LYPLA1: variants seen among roughly 807,000 people sequenced by gnomAD.
LYPLA1 encodes the protein acyl-protein thioesterase 1.
In LYPLA1, 17 loss-of-function variants were observed where a neutral mutation model predicts 34.0. The ratio of observed to expected loss-of-function variants is 0.50; its 90% confidence interval spans 0.34 to 0.75. The LOEUF (loss-of-function observed/expected upper bound fraction) is 0.75. Among genes scored for constraint, LYPLA1 ranks in the 30% least tolerant of loss-of-function variants. The pLI is 0.01. For missense variants in LYPLA1, 203 were observed against 288.8 expected, an observed-to-expected ratio of 0.70 and a Z score of 2.15; for synonymous variants, 98 against 100.8, an observed-to-expected ratio of 0.97 and a Z score of 0.17.
At chr8:54,094,084 G>A (rs1809503940) in intron 2 of LYPLA1, among the ~76,000 whole-genome samples, 1 of 152,108 alleles carries the variant, frequency 6.6e-6, no homozygotes, top group Admixed American at 6.6e-5. Context: ...TCCTCACCTT[G>A]TTTGACCTCT....
intron 7 of LYPLA1, 41 bp downstream of exon 7, chr8:54,052,614 T>A (rs1805921547): frequency 7.9e-7 from 1 of 1,258,480 alleles, no homozygotes; most frequent in East Asian, 2.3e-5. Context: ...CTAGCTACCT[T>A]TAGCTCAGTA....
At chr8:54,099,693 A>ATTT (rs534394841) in intron 2 of LYPLA1, among the ~76,000 whole-genome samples, 1 of 143,478 alleles carries the variant, frequency 7.0e-6, no homozygotes, top group Non-Finnish European at 1.5e-5. Context: ...GCCTAATGGC[A>ATTT]TTTTTTTTTT....
At position 54,101,882 on chromosome 8, in the gene LYPLA1, A is replaced by C. The variant is rs1023262805; in HGVS notation, c.-59T>G. The C allele has an allele frequency of 9.5e-4, 1,021 of 1,077,328 alleles. No homozygotes were observed. Among genetic ancestry groups the C allele is most frequent in the Non-Finnish European group, 1.2e-3 (983 of 853,282 alleles). 66.7% of individuals were successfully genotyped at this position (1,077,328 alleles called of 1,614,324 possible). The stretch of plus-strand genomic sequence containing the variant: ...AGAGCGGGCGCCCGGCCGCGGCCCA[A>C]GGGCGTGCGAGCGGCGAGTCCCGGC... On this transcript the variant is annotated 5_prime_UTR_variant, in exon 1 of 9. Coordinates refer to ENST00000316963, the MANE Select transcript of LYPLA1 (RefSeq NM_006330.4).
In LYPLA1 at chr8:54,092,216, AAGG is replaced by A. The variant is rs376597210; in HGVS notation, c.101+8689_101+8691del. On this transcript the variant is annotated intron_variant, in intron 2 of 8. Transcript: ENST00000316963. Reference sequence around the variant, plus strand: ...GAGGAGGAGGAGAAAGACGGAAGAGAAGGAGGAGGAGGAGGAGAAGGAGAAAGA... The same window carrying A: ...GAGGAGGAGGAGAAAGACGGAAGAGAAGGAGGAGGAGGAGAAGGAGAAAGA... Among the ~76,000 whole-genome samples the A allele has an allele frequency of 1.6e-3, 239 of 147,102 alleles. 1 individual carries two copies. The highest frequency in any genetic ancestry group is 5.2e-3 in the African/African-American group (207 of 39,740).
intron 4 of LYPLA1, 126 bp downstream of exon 4, chr8:54,063,200 TAG>T: frequency 1.7e-6 from 1 of 594,020 alleles, no homozygotes; most frequent in Non-Finnish European, 2.9e-6. Flanking sequence ...AAAATGTAAA[TAG>T]AGGTTAACTA....
At chr8:54,056,175 G>A (rs1806194163) in intron 5 of LYPLA1, among the ~76,000 whole-genome samples, 1 of 152,128 alleles carries the variant, frequency 6.6e-6, no homozygotes, top group African/African-American at 2.4e-5. Context: ...TTTGACAAAG[G>A]TGTCAAGAAC....
chr8:54,059,297 C>CTTTTTTTTTTTTT (rs1476518178), intron 5 of LYPLA1, among the ~76,000 whole-genome samples: 1 of 117,270 alleles, frequency 8.5e-6, no homozygotes, highest in African/African-American at 5.4e-5. Flanking sequence ...TGTATTTTCC[C>CTTTTTTTTTTTTT]TGTTTTTTTT....
chr8:54,056,810 G>A (rs1162172045), intron 5 of LYPLA1, among the ~76,000 whole-genome samples: 2 of 152,122 alleles, frequency 1.3e-5, no homozygotes, highest in Non-Finnish European at 2.9e-5. Context: ...CTACTTGGGA[G>A]GCTGAGGCAG....
chr8:54,085,870 C>T (rs1808716526), intron 2 of LYPLA1, among the ~76,000 whole-genome samples: 1 of 150,284 alleles, frequency 6.7e-6, no homozygotes, highest in Admixed American at 6.6e-5. Flanking sequence ...GGCGCCTCTG[C>T]CCAGCCGCCC....
chr8:54,096,097 T>C (rs943484770), intron 2 of LYPLA1, among the ~76,000 whole-genome samples: 2 of 152,176 alleles, frequency 1.3e-5, no homozygotes, highest in Non-Finnish European at 2.9e-5. Flanking sequence ...TACTTAAAAA[T>C]GTACACTGAA....
intron 2 of LYPLA1, among the ~76,000 whole-genome samples, chr8:54,078,917 T>C (rs1808107615): frequency 6.6e-6 from 1 of 151,076 alleles, no homozygotes; most frequent in South Asian, 2.1e-4. Flanking sequence ...TTTAACACTT[T>C]ATTACAAGCT....
At chr8:54,069,503 C>A (rs1255063120) in intron 2 of LYPLA1, among the ~76,000 whole-genome samples, 1 of 152,114 alleles carries the variant, frequency 6.6e-6, no homozygotes, top group African/African-American at 2.4e-5. Context: ...CCCTTGAGTC[C>A]AGGAGTTCAA....
intron 2 of LYPLA1, among the ~76,000 whole-genome samples, chr8:54,098,272 G>A (rs1249368252): frequency 1.3e-5 from 2 of 151,852 alleles, no homozygotes; most frequent in Non-Finnish European, 2.9e-5. Flanking sequence ...TAACCCAGAT[G>A]GCTACCAAGT....
At chr8:54,061,722 C>CAGTG (rs1806648939) in intron 5 of LYPLA1, among the ~76,000 whole-genome samples, 3 of 152,128 alleles carry the variant, frequency 2.0e-5, no homozygotes, top group Non-Finnish European at 4.4e-5. Context: ...GTCAAGGCTG[C>CAGTG]AGTGAGCTTT....
Position 54,068,245 on chromosome 8 carries a change from C to A in LYPLA1, c.102-2432G>T, listed in dbSNP as rs78830049. Reference sequence around the variant, plus strand: ...AAAATCTATATAAATGGAAGGATATCCCACTTTCATGGACTGGGAGATATA... The same window carrying A: ...AAAATCTATATAAATGGAAGGATATACCACTTTCATGGACTGGGAGATATA... On this transcript the variant is annotated intron_variant, in intron 2 of 8. Coordinates refer to ENST00000316963, the MANE Select transcript of LYPLA1 (RefSeq NM_006330.4). Among the ~76,000 whole-genome samples the A allele has an allele frequency of 2.3e-3, 349 of 152,176 alleles. 1 individual carries two copies. The highest frequency in any genetic ancestry group is 7.9e-3 in the African/African-American group (330 of 41,516).
At chr8:54,057,430 A>C (rs1043486276) in intron 5 of LYPLA1, among the ~76,000 whole-genome samples, 1 of 152,218 alleles carries the variant, frequency 6.6e-6, no homozygotes, top group South Asian at 2.1e-4. Context: ...TCAACAGATG[A>C]CTGGATGAAG....
At chr8:54,089,774 C>A (rs1036554923) in intron 2 of LYPLA1, among the ~76,000 whole-genome samples, 1 of 152,130 alleles carries the variant, frequency 6.6e-6, no homozygotes, top group South Asian at 2.1e-4. Context: ...CAGGCACACT[C>A]TACCATGGCT....
intron 8 of LYPLA1, among the ~76,000 whole-genome samples, chr8:54,048,981 C>T (rs958121482): frequency 6.6e-6 from 1 of 152,142 alleles, no homozygotes; most frequent in Non-Finnish European, 1.5e-5. Context: ...TGATACAAAG[C>T]CCATGAAGAA....
rs191948080 is a variant in LYPLA1 at position 54,069,438 on chromosome 8, G to C, written c.102-3625C>G. Among the ~76,000 whole-genome samples, 639 of 152,230 alleles carry C rather than the reference G, an allele frequency of 4.2e-3. 4 individuals are homozygous for C. The highest frequency in any genetic ancestry group is 6.9e-3 in the Non-Finnish European group (470 of 68,008). On this transcript the variant is annotated intron_variant, in intron 2 of 8. Coordinates refer to ENST00000316963, the MANE Select transcript of LYPLA1 (RefSeq NM_006330.4). ...ATACTTTAAAAAAAACTTTGGCCAGGCATGGTGGCTCATGCCTGTAATCCC... is the reference window on the plus strand; with the variant it reads ...ATACTTTAAAAAAAACTTTGGCCAGCCATGGTGGCTCATGCCTGTAATCCC...
Sources: allele counts gnomAD v4.1 joint callset (sites outside exome capture counted in the v4.1 genomes callset), GRCh38; gene constraint gnomAD v4.1.1; transcripts MANE v1.5; gene names NCBI Gene and HGNC (gene_info 2026-07-23, HGNC 2026-07-21).